Variants in ADAMTSL3 observed in about 807,000 individuals in gnomAD.
ADAMTSL3 encodes the protein ADAMTS-like protein 3.
In ADAMTSL3, 128 loss-of-function variants were observed where a neutral mutation model predicts 201.7. The ratio of observed to expected loss-of-function variants is 0.63; its 90% CI spans 0.55 to 0.73. The LOEUF (loss-of-function observed/expected upper bound fraction) is 0.73. Ranked by LOEUF, ADAMTSL3 falls within the 30% of genes least tolerant of loss-of-function variation. The pLI, the probability that ADAMTSL3 is intolerant of heterozygous loss-of-function variation, is 0.00. For synonymous variants in ADAMTSL3, 738 were observed against 748.4 expected, an observed-to-expected ratio of 0.99 and a Z score of 0.23; for missense variants, 1,990 against 2,119.6, an observed-to-expected ratio of 0.94 and a Z score of 1.20.
At chr15:84,037,052 A>T in intron 29 of ADAMTSL3, 65 bp downstream of exon 29, 1 of 1,512,578 alleles carries the variant, frequency 6.6e-7, no homozygotes, top group Non-Finnish European at 9.1e-7. Context: ...TCCTGATGCT[A>T]CCATCACGGC....
At chr15:83,807,510 C>T (rs1312575471) in intron 5 of ADAMTSL3, among the ~76,000 whole-genome samples, 1 of 152,082 alleles carries the variant, frequency 6.6e-6, no homozygotes. Flanking sequence ...AAGAGGTGTT[C>T]ATGGATTGGA....
At chr15:83,774,886 G>A (rs1243053472) in intron 4 of ADAMTSL3, among the ~76,000 whole-genome samples, 1 of 148,224 alleles carries the variant, frequency 6.7e-6, no homozygotes, top group Non-Finnish European at 1.5e-5. Context: ...TCTCACTCTT[G>A]CCCAGACTGG....
chr15:83,933,492 AG>A (rs1364180874), intron 17 of ADAMTSL3, among the ~76,000 whole-genome samples: 1 of 152,264 alleles, frequency 6.6e-6, no homozygotes, highest in Non-Finnish European at 1.5e-5. Context: ...TATGTTTAAA[AG>A]GGAAGCAAAG....
At chr15:83,902,657 A>G (rs757321901) in intron 15 of ADAMTSL3, among the ~76,000 whole-genome samples, 3 of 152,058 alleles carry the variant, frequency 2.0e-5, no homozygotes, top group African/African-American at 2.4e-5. Flanking sequence ...GCCCAATGGG[A>G]CTTGGCAGGG....
At chr15:83,910,462 GTT>G (rs33980524) in intron 15 of ADAMTSL3, among the ~76,000 whole-genome samples, 4 of 142,288 alleles carry the variant, frequency 2.8e-5, no homozygotes, top group East Asian at 2.0e-4. Context: ...GTTGCCGTGG[GTT>G]TTTTTTTTTT....
intron 3 of ADAMTSL3, among the ~76,000 whole-genome samples, chr15:83,747,595 G>T (rs1017309837): frequency 1.3e-5 from 2 of 152,128 alleles, no homozygotes; most frequent in Non-Finnish European, 2.9e-5. Context: ...GCTTTTAAGT[G>T]TTCCCCTGGA....
At chr15:83,697,933 C>T (rs2061709020) in intron 2 of ADAMTSL3, among the ~76,000 whole-genome samples, 1 of 152,064 alleles carries the variant, frequency 6.6e-6, no homozygotes, top group Non-Finnish European at 1.5e-5. Flanking sequence ...TCCAGGGGTC[C>T]ACCAAGAGTA....
chr15:83,699,988 C>A (rs1387467887), intron 2 of ADAMTSL3, among the ~76,000 whole-genome samples: 2 of 152,184 alleles, frequency 1.3e-5, no homozygotes, highest in Non-Finnish European at 2.9e-5. Flanking sequence ...ACTTATTTTA[C>A]TATGTATCTC....
intron 9 of ADAMTSL3, among the ~76,000 whole-genome samples, chr15:83,873,092 G>T (rs1179406529): frequency 6.9e-6 from 1 of 144,800 alleles, no homozygotes; most frequent in Non-Finnish European, 1.5e-5. Context: ...ATCACCTGAG[G>T]TCAGGAGTTC....
chr15:83,751,762 C>T (rs560339691), intron 3 of ADAMTSL3, among the ~76,000 whole-genome samples: 1 of 152,286 alleles, frequency 6.6e-6, no homozygotes, highest in African/African-American at 2.4e-5. Context: ...TCTTGATTCA[C>T]TACTTGCTCC....
chr15:83,971,376 T>A (rs903627670), intron 20 of ADAMTSL3, among the ~76,000 whole-genome samples: 13 of 151,744 alleles, frequency 8.6e-5, no homozygotes, highest in African/African-American at 3.1e-4. Flanking sequence ...GCTAACATGG[T>A]TAAACCCCGT....
intron 6 of ADAMTSL3, among the ~76,000 whole-genome samples, chr15:83,828,786 T>C (rs2064083942): frequency 6.6e-6 from 1 of 152,226 alleles, no homozygotes; most frequent in African/African-American, 2.4e-5. Context: ...GAGATAATCA[T>C]ATGGTTTTTG....
At chr15:83,770,845 G>A (rs1348543782) in intron 3 of ADAMTSL3, among the ~76,000 whole-genome samples, 2 of 152,074 alleles carry the variant, frequency 1.3e-5, no homozygotes, top group South Asian at 2.1e-4. Context: ...TGAGGCGGGC[G>A]GATTATGAGA....
chr15:83,901,764 C>G (rs1358068160), intron 15 of ADAMTSL3, among the ~76,000 whole-genome samples: 1 of 152,168 alleles, frequency 6.6e-6, no homozygotes, highest in Non-Finnish European at 1.5e-5. Flanking sequence ...CTGCTGGAAC[C>G]TTCTCACATC....
intron 2 of ADAMTSL3, among the ~76,000 whole-genome samples, chr15:83,665,383 A>C (rs1360359577): frequency 6.6e-6 from 1 of 152,162 alleles, no homozygotes; most frequent in East Asian, 1.9e-4. Context: ...CACTGAATAA[A>C]GGAAGGATAT....
At chr15:83,975,729 G>A (rs1279917720) in intron 20 of ADAMTSL3, among the ~76,000 whole-genome samples, 3 of 152,118 alleles carry the variant, frequency 2.0e-5, no homozygotes, top group African/African-American at 7.2e-5. Flanking sequence ...AGAGCAGTGT[G>A]GATAAAAGTA....
At chr15:83,885,326 C>T in intron 10 of ADAMTSL3, 114 bp downstream of exon 10, 1 of 785,268 alleles carries the variant, frequency 1.3e-6, no homozygotes, top group Non-Finnish European at 2.1e-6. Flanking sequence ...TGTCTCATCA[C>T]ACAGCACCTT....
intron 3 of ADAMTSL3, among the ~76,000 whole-genome samples, chr15:83,752,684 G>A (rs2062656429): frequency 6.6e-6 from 1 of 152,182 alleles, no homozygotes; most frequent in Admixed American, 6.5e-5. Context: ...CATAACAAGT[G>A]CTTGAAATGT....
chr15:83,965,867 C>T (rs115101511), intron 19 of ADAMTSL3, among the ~76,000 whole-genome samples: 58 of 152,176 alleles, frequency 3.8e-4, no homozygotes, highest in Non-Finnish European at 6.2e-4. Context: ...TTAGAACTCA[C>T]GATTAAGACA....
Sources: gnomAD v4.1 joint callset for allele counts (sites outside exome capture counted in the v4.1 genomes callset) on GRCh38, gnomAD v4.1.1 for gene constraint, MANE v1.5 for transcripts, NCBI Gene and HGNC (gene_info 2026-07-23, HGNC 2026-07-21) for gene names.